DCAF8: variants seen among roughly 807,000 people sequenced by gnomAD.
The protein encoded by DCAF8 is DDB1 and CUL4 associated factor 8, also known as DDB1- and CUL4-associated factor 8.
A neutral mutation model predicts 68.0 loss-of-function variants in DCAF8; 20 were observed. The ratio of observed to expected loss-of-function variants is 0.29; its 90% CI spans 0.21 to 0.43. DCAF8 has a LOEUF of 0.43. DCAF8 is among the 20% of genes least tolerant of loss of function. The pLI, the probability that DCAF8 is intolerant of heterozygous loss-of-function variation, is 1.00. For missense variants in DCAF8, 460 were observed against 771.0 expected (o/e 0.60, Z 4.78); for synonymous variants, 230 against 276.9 (o/e 0.83, Z 1.68).
At chr1:160,243,441 G>A (rs192131000) in intron 3 of DCAF8, among the ~76,000 whole-genome samples, 1,893 of 144,208 alleles carry the variant, frequency 0.013, 14 homozygotes, top group Middle Eastern at 0.036. Flanking sequence ...ACGGGGTCTC[G>A]CTATGTTGCC....
chr1:160,228,387 C>G (rs1031298060), intron 7 of DCAF8, among the ~76,000 whole-genome samples: 5 of 152,188 alleles, frequency 3.3e-5, no homozygotes, highest in African/African-American at 1.2e-4. Context: ...GGCTTAAGAA[C>G]TGGGGAATGA....
At chr1:160,258,418 C>T (rs2101775447) in intron 2 of DCAF8, among the ~76,000 whole-genome samples, 1 of 152,164 alleles carries the variant, frequency 6.6e-6, no homozygotes, top group South Asian at 2.1e-4. Context: ...TAGCCTCCCA[C>T]TCTAATCATC....
chr1:160,255,982 T>A (rs997149794), intron 2 of DCAF8, among the ~76,000 whole-genome samples: 12 of 151,042 alleles, frequency 7.9e-5, no homozygotes, highest in Non-Finnish European at 1.8e-4. Flanking sequence ...AACCCTTAAG[T>A]GTTAATTTCC....
chr1:160,252,877 A>C (rs1406360912), intron 2 of DCAF8, among the ~76,000 whole-genome samples: 1 of 152,316 alleles, frequency 6.6e-6, no homozygotes, highest in South Asian at 2.1e-4. Context: ...AGGTGGGATG[A>C]GAAATTATTC....
At chr1:160,232,484 TA>T (rs1468625580) in intron 6 of DCAF8, among the ~76,000 whole-genome samples, 1 of 151,832 alleles carries the variant, frequency 6.6e-6, no homozygotes, top group African/African-American at 2.4e-5. Context: ...CTACCAAAAA[TA>T]AAAAAATTAG....
chr1:160,228,411 T>C (rs75426089), intron 7 of DCAF8, among the ~76,000 whole-genome samples: 2,558 of 152,342 alleles, frequency 0.017, 44 homozygotes, highest in Middle Eastern at 0.061. Flanking sequence ...GATGATTTAC[T>C]GACTGTGCTT....
Position 160,239,705 on chromosome 1 carries a change from C to G in DCAF8, c.715G>C (p.Val239Leu). 1.9e-6 allele frequency: 3 copies of G among 1,614,250 alleles called. No homozygotes were observed. Among genetic ancestry groups the G allele is most frequent in the Non-Finnish European group, 2.5e-6 (3 of 1,180,048 alleles). Residue 239 changes from valine to leucine, a missense_variant, in exon 4 of 14, where the codon GTG (valine) becomes CTG (leucine). This residue lies in a region of DCAF8 where 170 missense variants were observed against 318.2 expected (regional missense o/e 0.53). Coordinates refer to ENST00000368074, the MANE Select transcript of DCAF8 (RefSeq NM_015726.4). ...LDFESGHKSN[V>L]FQAKFLPNSG... ...ATGCTCCCTTGCCTCACCTGGAACACATTACTTTTGTGGCCACTCTCAAAG... is the reference window on the plus strand; with the variant it reads ...ATGCTCCCTTGCCTCACCTGGAACAGATTACTTTTGTGGCCACTCTCAAAG...
At position 160,260,811 on chromosome 1, in the gene DCAF8, A is replaced by C. The variant is rs180678680; in HGVS notation, c.-27+474T>G. ...TCAGACACCAACTAAAGGCAGCATC[A>C]CTCATCACTCCCCAGCTTTTAGTCA... On this transcript the variant is annotated intron_variant, in intron 2 of 13. Transcript: ENST00000368074. 1.1e-3 allele frequency among the ~76,000 whole-genome samples: 167 copies of C among 151,724 alleles called. 1 individual carries two copies. Among genetic ancestry groups the C allele is most frequent in the African/African-American group, 3.9e-3 (162 of 41,316 alleles).
chr1:160,250,891 G>A (rs1300436495), intron 2 of DCAF8, among the ~76,000 whole-genome samples: 1 of 151,642 alleles, frequency 6.6e-6, no homozygotes, highest in Admixed American at 6.6e-5. Flanking sequence ...AAATCCTCTG[G>A]TGCCTAGGGT....
intron 2 of DCAF8, among the ~76,000 whole-genome samples, chr1:160,260,206 T>C (rs1444991759): frequency 1.3e-5 from 2 of 152,188 alleles, no homozygotes; most frequent in Non-Finnish European, 2.9e-5. Context: ...AGTGGTATTA[T>C]CACACTTTTA....
intron 2 of DCAF8, among the ~76,000 whole-genome samples, chr1:160,251,482 CT>C (rs891210115): frequency 4.0e-5 from 6 of 149,504 alleles, no homozygotes; most frequent in South Asian, 4.2e-4. Flanking sequence ...TGCAGATGTT[CT>C]TTTTTTTTTA....
Position 160,217,569 on chromosome 1 carries a change from C to T in DCAF8, c.*23G>A. ...GCAGGATCAGGTTGGCAGCCCCAGC[C>T]TGCCCCACCTAGGTATGAGGCCTCA... On this transcript the variant is annotated 3_prime_UTR_variant, in exon 14 of 14. Transcript: ENST00000368074. The T allele has an allele frequency of 6.3e-7, 1 of 1,582,002 alleles. No individual in the cohort carries two copies. The highest frequency in any genetic ancestry group is 8.7e-7 in the Non-Finnish European group (1 of 1,154,746).
chr1:160,222,839 T>G, intron 10 of DCAF8, 58 bp from the exon 11 acceptor site: 6 of 1,604,098 alleles, frequency 3.7e-6, no homozygotes, highest in Non-Finnish European at 5.1e-6. Flanking sequence ...CCTATATACA[T>G]TCATCTCAAA....
chr1:160,220,780 T>G (rs1655267542), intron 11 of DCAF8: 1 of 152,222 alleles, frequency 6.6e-6, no homozygotes, highest in African/African-American at 2.4e-5. Context: ...GATCTTTGGT[T>G]CTAACATTCT....
chr1:160,233,629 C>CT (rs1655771846), intron 6 of DCAF8, among the ~76,000 whole-genome samples: 1 of 152,130 alleles, frequency 6.6e-6, no homozygotes, highest in South Asian at 2.1e-4. Flanking sequence ...ATCTCATTTC[C>CT]TTAGCAATTT....
At position 160,218,390 on chromosome 1, in the gene DCAF8, A is replaced by G. The variant is rs137916237; in HGVS notation, c.1611T>C (p.Thr537=). ...ACAGCATGTGACTATCAAACAGGTC[A>G]GTTTGGTGCAAGCTATCTTCATCCC... ...RERDEDSLHQ[T]DLFDSHMLWF... is the part of the protein sequence containing the mutation. Residue 537 remains threonine (T), a synonymous_variant, in exon 13 of 14, where the codon ACT becomes ACC. Transcript: ENST00000368074. The G allele has an allele frequency of 3.7e-6, 6 of 1,614,100 alleles. No homozygotes were observed. The African/African-American group carries it at 6.7e-5, about 18-fold the overall frequency.
intron 5 of DCAF8, among the ~76,000 whole-genome samples, chr1:160,237,493 A>G (rs758000645): frequency 1.3e-5 from 2 of 152,212 alleles, no homozygotes; most frequent in Non-Finnish European, 2.9e-5. Context: ...AAGAGATATG[A>G]ACAGATAGCA....
chr1:160,218,466 G>A, intron 12 of DCAF8, 26 bp from the exon 13 acceptor site: 2 of 1,578,808 alleles, frequency 1.3e-6, no homozygotes, highest in South Asian at 1.1e-5. Flanking sequence ...GTTGGGAAGA[G>A]GGGGCAGCAA....
chr1:160,239,590 T>G (rs757657100), intron 4 of DCAF8, 107 bp downstream of exon 4: 28 of 1,609,582 alleles, frequency 1.7e-5, no homozygotes, highest in East Asian at 4.5e-5. Context: ...TGTCCCGATA[T>G]GTAATTCCTA....
Sources: allele counts gnomAD v4.1 joint callset (sites outside exome capture counted in the v4.1 genomes callset), GRCh38; gene constraint gnomAD v4.1.1; regional missense constraint gnomAD v4.1.1; transcripts MANE v1.5; gene names NCBI Gene and HGNC (gene_info 2026-07-23, HGNC 2026-07-21).